The following CCPG1 variants were observed in gnomAD, a reference collection of about 807,000 sequenced individuals.
The protein encoded by CCPG1 is cell cycle progression protein 1.
A neutral mutation model predicts 81.3 loss-of-function variants in CCPG1; 46 were observed. The observed-to-expected ratio is 0.57, with a 90% CI of 0.45 to 0.72. The LOEUF (loss-of-function observed/expected upper bound fraction) is 0.72, where lower values mean the gene tolerates loss of function less well. Among genes scored for constraint, CCPG1 ranks in the 30% least tolerant of loss-of-function variants. CCPG1 has a pLI of 0.00. For missense variants in CCPG1, 902 were observed against 937.6 expected, an observed-to-expected ratio of 0.96 and a Z score of 0.50; for synonymous variants, 330 against 305.2, an observed-to-expected ratio of 1.08 and a Z score of -0.85.
At chr15:55,390,656 G>A (rs939988860) in intron 1 of CCPG1, among the ~76,000 whole-genome samples, 4 of 151,040 alleles carry the variant, frequency 2.6e-5, no homozygotes, top group African/African-American at 4.9e-5. Context: ...GGTTTCACTC[G>A]TTGCGAATGT....
intron 1 of CCPG1, among the ~76,000 whole-genome samples, chr15:55,389,941 T>G (rs2056880990): frequency 6.6e-6 from 1 of 152,262 alleles, no homozygotes; most frequent in South Asian, 2.1e-4. Context: ...TGAAACTGTT[T>G]TGAGACGGAG....
intron 1 of CCPG1, among the ~76,000 whole-genome samples, chr15:55,405,138 A>G (rs1595871872): frequency 6.6e-6 from 1 of 152,006 alleles, no homozygotes; most frequent in Admixed American, 6.6e-5. Context: ...AGGCAGGCGG[A>G]CCACCTGAGG....
intron 1 of CCPG1, among the ~76,000 whole-genome samples, chr15:55,400,856 C>A (rs2057115908): frequency 6.6e-6 from 1 of 152,156 alleles, no homozygotes; most frequent in Admixed American, 6.5e-5. Flanking sequence ...ATTAGATTGT[C>A]ATTACTGATT....
intron 1 of CCPG1, among the ~76,000 whole-genome samples, chr15:55,401,902 T>C (rs1172377840): frequency 1.3e-5 from 2 of 152,218 alleles, no homozygotes; most frequent in African/African-American, 2.4e-5. Flanking sequence ...TTCCTCGTCA[T>C]ATGGCTGAAG....
chr15:55,381,135 T>A (rs1252345275), intron 3 of CCPG1, among the ~76,000 whole-genome samples: 1 of 149,020 alleles, frequency 6.7e-6, no homozygotes, highest in Non-Finnish European at 1.5e-5. Context: ...AGACACCATC[T>A]CAAAAAACAA....
intron 6 of CCPG1, among the ~76,000 whole-genome samples, chr15:55,369,395 C>G (rs903675108): frequency 1.3e-5 from 2 of 151,980 alleles, no homozygotes; most frequent in African/African-American, 4.8e-5. Flanking sequence ...ATTAGCTGGA[C>G]ATGGTGGTGC....
intron 1 of CCPG1, among the ~76,000 whole-genome samples, chr15:55,401,897 C>CG (rs905692205): frequency 4.9e-4 from 74 of 152,284 alleles, no homozygotes; most frequent in African/African-American, 1.7e-3. Flanking sequence ...TAGCTTTCCT[C>CG]GTCATATGGC....
intron 2 of CCPG1, among the ~76,000 whole-genome samples, chr15:55,387,228 A>C (rs2056818426): frequency 1.3e-5 from 2 of 152,234 alleles, no homozygotes; most frequent in Admixed American, 1.3e-4. Flanking sequence ...ACTGAGTGCC[A>C]GACAGAGGTC....
chr15:55,391,545 CAGA>C (rs1452547584), intron 1 of CCPG1, among the ~76,000 whole-genome samples: 3 of 151,882 alleles, frequency 2.0e-5, no homozygotes, highest in African/African-American at 7.3e-5. Context: ...TATGCAATGA[CAGA>C]AATACACAAA....
intron 8 of CCPG1, chr15:55,357,992 A>C (rs2056116691): frequency 6.6e-6 from 1 of 152,118 alleles, no homozygotes; most frequent in Non-Finnish European, 1.5e-5. Flanking sequence ...CCCATTAATC[A>C]CCTAGTAGCA....
Position 55,385,805 on chromosome 15 carries a change from A to C in CCPG1, c.61-91T>G. ...TGTAAATGCTTCTTCCATTATTAAA[A>C]GTCTCAGATGCTGCCATACTCCAAA... On this transcript the variant is annotated intron_variant, in intron 2 of 8. Coordinates refer to ENST00000442196, the MANE Select transcript of CCPG1 (RefSeq NM_001204450.2). The C allele has an allele frequency of 4.1e-6, 3 of 727,086 alleles. No homozygotes were observed. The South Asian group carries it at 4.5e-5, about 11-fold the overall frequency. The allele number at this position is 727,086 out of a possible 1,614,324, so 45.0% of individuals were successfully genotyped here. A position where few individuals can be genotyped will look rare whatever the true frequency, so the allele number is the denominator to read the frequency against.
chr15:55,356,570 G>C, intron 8 of CCPG1, 161 bp from the exon 9 acceptor site: 1 of 1,230,996 alleles, frequency 8.1e-7, no homozygotes, highest in Non-Finnish European at 1.0e-6. Flanking sequence ...AAATAAAGGA[G>C]TCTGTATTAG....
At chr15:55,400,034 C>G (rs2057096780) in intron 1 of CCPG1, 1 of 151,434 alleles carries the variant, frequency 6.6e-6, no homozygotes, top group Admixed American at 6.6e-5. Flanking sequence ...AACCCCATCT[C>G]TACTAAAAAT....
At chr15:55,365,705 G>A (rs2056312429) in intron 6 of CCPG1, among the ~76,000 whole-genome samples, 1 of 151,900 alleles carries the variant, frequency 6.6e-6, no homozygotes, top group Non-Finnish European at 1.5e-5. Flanking sequence ...GAGCCACTGT[G>A]CCTGGCCATA....
chr15:55,359,241 T>TA (rs1301498350), intron 8 of CCPG1: 22 of 1,055,136 alleles, frequency 2.1e-5, no homozygotes, highest in Non-Finnish European at 2.3e-5. Flanking sequence ...ATATAAACTA[T>TA]AATGAAAAGA....
intron 3 of CCPG1, among the ~76,000 whole-genome samples, chr15:55,380,249 CTATT>C (rs2056654388): frequency 6.9e-6 from 1 of 144,226 alleles, no homozygotes; most frequent in African/African-American, 2.8e-5. Flanking sequence ...CTTTTGCTTA[CTATT>C]TTTTTTTCCC....
At chr15:55,407,100 C>T (rs1013946811) in intron 1 of CCPG1, among the ~76,000 whole-genome samples, 3 of 147,078 alleles carry the variant, frequency 2.0e-5, no homozygotes, top group African/African-American at 5.3e-5. Flanking sequence ...TGGTGGCGGG[C>T]GCCTGTAATC....
In CCPG1 at chr15:55,355,821, C is replaced by A; in HGVS notation, c.*399G>T. On this transcript the variant is annotated 3_prime_UTR_variant, in exon 9 of 9. Coordinates refer to ENST00000442196, the MANE Select transcript of CCPG1 (RefSeq NM_001204450.2). ...ATTATAAAATGTTAATGATGAAATT[C>A]CAGAACAATGTACTTTTCTCAAGCT... 1 of 225,880 alleles carries A rather than the reference C, an allele frequency of 4.4e-6. No homozygotes were observed. The highest frequency in any genetic ancestry group is 8.5e-6 in the Non-Finnish European group (1 of 117,498). The allele number at this position is 225,880 out of a possible 1,614,324, so 14.0% of individuals were successfully genotyped here. A position where few individuals can be genotyped will look rare whatever the true frequency, so the allele number is the denominator to read the frequency against.
chr15:55,374,355 C>A (rs969218889), intron 5 of CCPG1: 82 of 551,262 alleles, frequency 1.5e-4, no homozygotes, highest in Non-Finnish European at 4.9e-5. Flanking sequence ...CATTGTTATC[C>A]GTACAAAATT....
Sources: allele counts gnomAD v4.1 joint callset (sites outside exome capture counted in the v4.1 genomes callset), GRCh38; gene constraint gnomAD v4.1.1; transcripts MANE v1.5; gene names NCBI Gene and HGNC (gene_info 2026-07-23, HGNC 2026-07-21).